Variants in MTA1 observed in about 807,000 individuals in gnomAD.
The protein encoded by MTA1 is metastasis-associated protein MTA1.
Under a neutral mutation model 97.0 loss-of-function variants are expected in MTA1, and 15 were observed. The ratio of observed to expected loss-of-function variants is 0.15; its 90% CI spans 0.10 to 0.24. The LOEUF is 0.24. Among genes scored for constraint, MTA1 ranks in the 10% least tolerant of loss-of-function variants. MTA1 has a pLI of 1.00. For missense variants in MTA1, 709 were observed against 1,015.1 expected, an observed-to-expected ratio of 0.70 and a Z score of 4.10; for synonymous variants, 435 against 417.5, an observed-to-expected ratio of 1.04 and a Z score of -0.51.
At chr14:105,430,652 C>T (rs1378823192) in intron 1 of MTA1, among the ~76,000 whole-genome samples, 1 of 152,186 alleles carries the variant, frequency 6.6e-6, no homozygotes, top group African/African-American at 2.4e-5. Context: ...TCAAGCTAAG[C>T]ATGATGCCCG....
At chr14:105,431,381 C>T (rs1555423307) in intron 1 of MTA1, among the ~76,000 whole-genome samples, 1 of 152,088 alleles carries the variant, frequency 6.6e-6, no homozygotes, top group Non-Finnish European at 1.5e-5. Flanking sequence ...TGGTTATTAA[C>T]AAGACCAATA....
rs928030486 is a variant in MTA1 at position 105,464,504 on chromosome 14, T to C, written c.1281T>C (p.Tyr427=). The C allele has an allele frequency of 4.0e-5, 64 of 1,613,332 alleles. No homozygotes were observed. The highest frequency in any genetic ancestry group is 5.0e-5 in the Non-Finnish European group (59 of 1,179,960). ...CTTGTTGGACATATTGGAAGAAATA[T>C]GGTGGCTTGAAAATGCCAACCCGGT... ...CASCWTYWKK[Y]GGLKMPTRLD... Residue 427 remains tyrosine, a synonymous_variant, in exon 14 of 21, where the codon TAT becomes TAC. Transcript: ENST00000331320.
At chr14:105,445,335 G>A in intron 2 of MTA1, 83 bp from the exon 3 acceptor site, 1 of 1,287,510 alleles carries the variant, frequency 7.8e-7, no homozygotes, top group East Asian at 2.3e-5. Flanking sequence ...TGGACGGCAG[G>A]GTCCGGCCTT....
intron 6 of MTA1, among the ~76,000 whole-genome samples, chr14:105,451,528 A>C (rs1425443946): frequency 6.6e-6 from 1 of 152,246 alleles, no homozygotes; most frequent in Admixed American, 6.5e-5. Context: ...CCACTCAGGA[A>C]TGAGGAGTGC....
chr14:105,449,498 G>A (rs375444296), intron 4 of MTA1, 89 bp downstream of exon 4: 7 of 1,438,548 alleles, frequency 4.9e-6, no homozygotes, highest in Non-Finnish European at 5.7e-6. Flanking sequence ...GAGTTTGGGC[G>A]GGCCGCCTGC....
intron 18 of MTA1, chr14:105,467,353 G>T (rs1443057305): frequency 2.0e-5 from 9 of 451,948 alleles, no homozygotes; most frequent in Non-Finnish European, 3.1e-5. Flanking sequence ...TGTGCCTGGA[G>T]CCCCTTCGCC....
At chr14:105,440,332 G>C (rs1443909467) in intron 2 of MTA1, among the ~76,000 whole-genome samples, 1 of 152,252 alleles carries the variant, frequency 6.6e-6, no homozygotes, top group Non-Finnish European at 1.5e-5. Context: ...CCATGGCTGG[G>C]GGAGGTCCTG....
Position 105,463,437 on chromosome 14 carries a change from T to G in MTA1, c.1018-56T>G. On this transcript the variant is annotated intron_variant, in intron 11 of 20. Transcript: ENST00000331320. The surrounding 1 kb of genome is among the most constrained non-coding windows in gnomAD (Gnocchi z 5.9). ...TCCGTAGCCTCCAGCCTGTCTGCACTGCAGCCCCAACCTGGGCCTAGCCTG... is the reference window on the plus strand; with the variant it reads ...TCCGTAGCCTCCAGCCTGTCTGCACGGCAGCCCCAACCTGGGCCTAGCCTG... 6.3e-7 allele frequency: 1 copy of G among 1,593,094 alleles called. No homozygotes were observed. Among genetic ancestry groups the G allele is most frequent in the Non-Finnish European group, 8.6e-7 (1 of 1,161,954 alleles).
chr14:105,454,154 CTG>C (rs782097040), intron 6 of MTA1, 37 bp from the exon 7 acceptor site: 4 of 1,514,960 alleles, frequency 2.6e-6, no homozygotes, highest in Admixed American at 3.4e-5. Flanking sequence ...AGCAGCCTGA[CTG>C]TGCTGACGCC....
chr14:105,461,116 G>A (rs1294567079), intron 10 of MTA1, among the ~76,000 whole-genome samples, 163 bp downstream of exon 10: 1 of 152,148 alleles, frequency 6.6e-6, no homozygotes, highest in East Asian at 1.9e-4. Context: ...GCGCTCGGCC[G>A]CCATAGTCCT....
intron 6 of MTA1, 52 bp downstream of exon 6, chr14:105,450,376 C>CCT: frequency 6.4e-7 from 1 of 1,567,564 alleles, no homozygotes; most frequent in Non-Finnish European, 8.7e-7. Flanking sequence ...GCCACTGTTT[C>CCT]CTCTACCTAT....
chr14:105,451,980 T>G (rs939946793), intron 6 of MTA1, among the ~76,000 whole-genome samples: 1 of 152,022 alleles, frequency 6.6e-6, no homozygotes, highest in Non-Finnish European at 1.5e-5. Context: ...TTAGTAGAAA[T>G]GGGGTTTCAC....
At position 105,463,315 on chromosome 14, in the gene MTA1, A is replaced by G. The variant is rs1415910795; in HGVS notation, c.1017+57A>G. 2 of 1,582,780 alleles carry G rather than the reference A, an allele frequency of 1.3e-6. No individual in the cohort carries two copies. The highest frequency in any genetic ancestry group is 1.4e-5 in the African/African-American group (1 of 73,472). On this transcript the variant is annotated intron_variant, in intron 11 of 20. Transcript: ENST00000331320. This position sits in a 1 kb window ranked among gnomAD's most constrained non-coding sequence, Gnocchi z 5.9. ...GTGCCGCCTCCCCGTCCTGCGCCCC[A>G]TCCTCTCCCAGCAGGTGGGCGTGCA...
intron 7 of MTA1, among the ~76,000 whole-genome samples, chr14:105,457,705 C>T (rs1011292648): frequency 2.6e-5 from 4 of 152,224 alleles, no homozygotes; most frequent in Non-Finnish European, 4.4e-5. Context: ...GCGGATGGAT[C>T]ACCTGAGGTC....
chr14:105,427,589 G>A (rs2082050112), intron 1 of MTA1, among the ~76,000 whole-genome samples: 1 of 152,246 alleles, frequency 6.6e-6, no homozygotes. Flanking sequence ...GTTGTGACCA[G>A]AGGCTCGTAG....
rs782458029 is a variant in MTA1, at chr14:105,460,840, G to A, written c.829G>A (p.Gly277Arg). The A allele has an allele frequency of 1.2e-6, 2 of 1,612,492 alleles. No individual in the cohort carries two copies. Reference sequence around the variant, plus strand: ...CATCTCGGCGCTGGTGCCGCAGGGCGGGCCCGTGCTCTGCAGGGACGAGAT... The same window carrying A: ...CATCTCGGCGCTGGTGCCGCAGGGCAGGCCCGTGCTCTGCAGGGACGAGAT... ...KAISALVPQGGPVLCRDEMEE... is the reference protein window; with the variant it reads ...KAISALVPQGRPVLCRDEMEE... The change falls in exon 10 of 21, where the codon GGG becomes AGG. Residue 277 changes from glycine to arginine, a missense_variant. By Grantham distance (125) the Gly-to-Arg change is moderately radical. This residue lies in a region of MTA1 where 321 missense variants were observed against 593.5 expected (regional missense o/e 0.54). Coordinates refer to ENST00000331320, the MANE Select transcript of MTA1 (RefSeq NM_004689.4).
In MTA1 at chr14:105,470,340, G is replaced by A. The variant is rs1294544517; in HGVS notation, c.*125G>A. The A allele has an allele frequency of 3.9e-6, 3 of 760,442 alleles. No individual in the cohort carries two copies. Among genetic ancestry groups the A allele is most frequent in the Middle Eastern group, 4.2e-4 (1 of 2,392 alleles). The allele number at this position is 760,442 out of a possible 1,614,324, so 47.1% of individuals were successfully genotyped here. ...CTCCCGCCCTCACCTGCAGAGAAAC[G>A]CGCTCCTTGGCGGACACTGGGGGAG... On this transcript the variant is annotated 3_prime_UTR_variant, in exon 21 of 21. Transcript: ENST00000331320.
chr14:105,463,727 C>T lies in MTA1; in HGVS notation c.1076+176C>T. On this transcript the variant is annotated intron_variant, in intron 12 of 20. Transcript: ENST00000331320. This position sits in a 1 kb window ranked among gnomAD's most constrained non-coding sequence, Gnocchi z 5.9. ...GGGTTCTGGCTGCAGACGCAGTGGC[C>T]ATGTCTCTGTCGTCCTGGCCTCCTG... is the stretch of plus-strand genomic sequence containing the variant. The T allele has an allele frequency of 1.5e-6, 1 of 650,172 alleles. No homozygotes were observed. The highest frequency in any genetic ancestry group is 2.7e-6 in the Non-Finnish European group (1 of 375,602). 40.3% of individuals were successfully genotyped at this position (650,172 alleles called of 1,614,324 possible).
intron 2 of MTA1, 85 bp from the exon 3 acceptor site, chr14:105,445,333 A>G: frequency 8.0e-7 from 1 of 1,257,172 alleles, no homozygotes; most frequent in South Asian, 1.3e-5. Context: ...CCTGGACGGC[A>G]GGGTCCGGCC....
Sources: allele counts gnomAD v4.1 joint callset (sites outside exome capture counted in the v4.1 genomes callset), GRCh38; gene constraint gnomAD v4.1.1; regional missense constraint gnomAD v4.1.1; non-coding constraint Gnocchi (gnomAD v3.1); transcripts MANE v1.5; gene names NCBI Gene and HGNC (gene_info 2026-07-23, HGNC 2026-07-21).